Variants in CSMD1 observed in about 807,000 individuals in gnomAD.
CSMD1 encodes CUB and Sushi multiple domains 1.
A neutral mutation model predicts 417.5 loss-of-function variants in CSMD1; 213 were observed. That is an observed-to-expected ratio of 0.51 (90% CI 0.46 to 0.57). CSMD1 has a LOEUF of 0.57. Among genes scored for constraint, CSMD1 ranks in the 20% least tolerant of loss-of-function variants. CSMD1 has a pLI of 0.00. For missense variants in CSMD1, 6,923 were observed against 4,529.7 expected (o/e 1.53, Z -15.17); for synonymous variants, 2,862 against 1,736.8 (o/e 1.65, Z -16.11).
Position 2,970,236 on chromosome 8 carries a change from T to C in CSMD1, c.8923+2881A>G, listed in dbSNP as rs142422793. ...CCTTCATAGCCCCACAGAGGTGAGATTGCTAAGGAAAAACATTGCCCACCC... is the reference window on the plus strand; with the variant it reads ...CCTTCATAGCCCCACAGAGGTGAGACTGCTAAGGAAAAACATTGCCCACCC... On this transcript the variant is annotated intron_variant, in intron 57 of 69. Transcript: ENST00000635120. 2.5e-3 allele frequency among the ~76,000 whole-genome samples: 387 copies of C among 152,256 alleles called. 6 individuals carry two copies. Among genetic ancestry groups the C allele is most frequent in the Admixed American group, 0.023 (356 of 15,292 alleles).
intron 23 of CSMD1, among the ~76,000 whole-genome samples, chr8:3,333,967 G>T (rs967000880): frequency 6.6e-6 from 1 of 152,178 alleles, no homozygotes; most frequent in African/African-American, 2.4e-5. Flanking sequence ...CCCTCAGCTT[G>T]TATAGGATTT....
chr8:3,998,401 C>T (rs894251845), intron 4 of CSMD1, among the ~76,000 whole-genome samples: 7 of 152,154 alleles, frequency 4.6e-5, no homozygotes, highest in African/African-American at 1.4e-4. Context: ...CATTGATAGG[C>T]AGCCTAACAA....
intron 2 of CSMD1, among the ~76,000 whole-genome samples, chr8:4,431,613 C>T (rs776023081): frequency 6.6e-6 from 1 of 151,856 alleles, no homozygotes; most frequent in Non-Finnish European, 1.5e-5. Flanking sequence ...AAAACCAAAA[C>T]CAAAACGAAA....
At chr8:4,867,967 T>TA (rs1554506271) in intron 1 of CSMD1, among the ~76,000 whole-genome samples, 4 of 151,710 alleles carry the variant, frequency 2.6e-5, no homozygotes, top group African/African-American at 7.3e-5. Context: ...CCTTAGATAT[T>TA]TACACGTTTG....
chr8:4,861,681 C>A (rs566392064), intron 1 of CSMD1, among the ~76,000 whole-genome samples: 16 of 152,140 alleles, frequency 1.1e-4, no homozygotes, highest in African/African-American at 3.9e-4. Flanking sequence ...CATAACAACA[C>A]AGTGATCTCA....
At chr8:4,816,489 A>G (rs954212388) in intron 1 of CSMD1, among the ~76,000 whole-genome samples, 1 of 152,102 alleles carries the variant, frequency 6.6e-6, no homozygotes. Flanking sequence ...CAGGCTCCCA[A>G]AATGTTGGGA....
chr8:2,962,002 A>G (rs1352312399), intron 61 of CSMD1, among the ~76,000 whole-genome samples: 1 of 152,228 alleles, frequency 6.6e-6, no homozygotes, highest in East Asian at 1.9e-4. Context: ...AAGACTAAGT[A>G]TTACTTTTTT....
At chr8:3,372,814 G>A (rs1810055472) in intron 18 of CSMD1, among the ~76,000 whole-genome samples, 1 of 152,146 alleles carries the variant, frequency 6.6e-6, no homozygotes. Flanking sequence ...AGGGATAGAA[G>A]GGAGACCACA....
rs869248314 is a variant in CSMD1 at position 3,565,131 on chromosome 8, C to CAAAAAAAAAAAA, written c.1344+9802_1344+9813dup. On this transcript the variant is annotated intron_variant, in intron 10 of 69. Transcript: ENST00000635120. Reference sequence around the variant, plus strand: ...TACTTAACTCTGTAGTGCAAGACAGCAAAAAAAAAAAAAAAAAAAAAAAAA... The same window carrying CAAAAAAAAAAAA: ...TACTTAACTCTGTAGTGCAAGACAGCAAAAAAAAAAAAAAAAAAAAAAAAAAAAAAAAAAAAA... 2.6e-3 allele frequency among the ~76,000 whole-genome samples: 27 copies of CAAAAAAAAAAAA among 10,446 alleles called. 2 individuals are homozygous for CAAAAAAAAAAAA. Among genetic ancestry groups the CAAAAAAAAAAAA allele is most frequent in the East Asian group, 3.2e-3 (1 of 310 alleles). The allele number at this position is 10,446 out of a possible 152,430, so 6.9% of individuals were successfully genotyped here.
At chr8:4,939,772 T>C (rs1467281802) in intron 1 of CSMD1, among the ~76,000 whole-genome samples, 1 of 152,120 alleles carries the variant, frequency 6.6e-6, no homozygotes, top group African/African-American at 2.4e-5. Context: ...ACTGCCTACT[T>C]GAAAACTGTT....
rs562682711 is a variant in CSMD1 at position 3,993,745 on chromosome 8, G to A, written c.818+4158C>T. Among the ~76,000 whole-genome samples the A allele has an allele frequency of 4.6e-4, 70 of 152,282 alleles. 2 individuals are homozygous for A. The South Asian group carries it at 0.013, about 29-fold the overall frequency. The stretch of plus-strand genomic sequence containing the variant: ...AGCCCTAATCCAAAGCGGAAGAAAT[G>A]TTCTTGCATTTATTATGGCTGATGT... On this transcript the variant is annotated intron_variant, in intron 5 of 69. Transcript: ENST00000635120.
intron 6 of CSMD1, among the ~76,000 whole-genome samples, chr8:3,743,411 A>G (rs1489766626): frequency 6.6e-6 from 1 of 152,232 alleles, no homozygotes; most frequent in African/African-American, 2.4e-5. Flanking sequence ...ATAGTGTGAC[A>G]TTAGGATGGT....
At chr8:3,342,321 T>C (rs113159927) in intron 23 of CSMD1, among the ~76,000 whole-genome samples, 1 of 152,158 alleles carries the variant, frequency 6.6e-6, no homozygotes, top group African/African-American at 2.4e-5. Context: ...TTGCAGGACC[T>C]TTTTTGCCTA....
intron 26 of CSMD1, among the ~76,000 whole-genome samples, chr8:3,281,888 C>T (rs773825327): frequency 6.6e-6 from 1 of 152,078 alleles, no homozygotes; most frequent in African/African-American, 2.4e-5. Flanking sequence ...TTAGTACCAT[C>T]CCCCAGTGCT....
In CSMD1 at chr8:4,035,776, G is replaced by A. The variant is rs557913636; in HGVS notation, c.416-3677C>T. Among the ~76,000 whole-genome samples, 15 of 152,206 alleles carry A rather than the reference G, an allele frequency of 9.9e-5. No individual in the cohort carries two copies. In the South Asian group the frequency reaches 2.9e-3, roughly 29 times the overall value. On this transcript the variant is annotated intron_variant, in intron 3 of 69. Coordinates refer to ENST00000635120, the MANE Select transcript of CSMD1 (RefSeq NM_033225.6). ...AGTTTATGAAGTAACGTTATACTAA[G>A]CTTAATTTATGATTAAAAAAGAAAA...
intron 1 of CSMD1, among the ~76,000 whole-genome samples, chr8:4,826,864 G>T (rs189904399): frequency 1.3e-5 from 2 of 152,188 alleles, no homozygotes; most frequent in African/African-American, 4.8e-5. Flanking sequence ...TGACGGATAA[G>T]AAAAACTAGA....
intron 4 of CSMD1, among the ~76,000 whole-genome samples, chr8:4,008,911 G>C (rs913274358): frequency 6.6e-6 from 1 of 152,054 alleles, no homozygotes; most frequent in African/African-American, 2.4e-5. Flanking sequence ...CGCCCAGTCT[G>C]ATTCAGTATT....
intron 5 of CSMD1, among the ~76,000 whole-genome samples, chr8:3,907,072 A>G (rs963805013): frequency 9.2e-5 from 14 of 152,194 alleles, no homozygotes; most frequent in African/African-American, 3.4e-4. Flanking sequence ...TGTCGTAGCT[A>G]GTAATCACAT....
rs1812426554 is a variant in CSMD1, at chr8:3,059,193, A to G, written c.7475-6546T>C. Among the ~76,000 whole-genome samples, 4 of 152,050 alleles carry G rather than the reference A, an allele frequency of 2.6e-5. No homozygotes were observed. The South Asian group carries it at 6.2e-4, about 24-fold the overall frequency. On this transcript the variant is annotated intron_variant, in intron 49 of 69. Coordinates refer to ENST00000635120, the MANE Select transcript of CSMD1 (RefSeq NM_033225.6). ...TATTAATAATAATGGCTTGTTAAGAACTAAAAAAAAATAAGGAAAAATATT... is the reference window on the plus strand; with the variant it reads ...TATTAATAATAATGGCTTGTTAAGAGCTAAAAAAAAATAAGGAAAAATATT...
Sources: gnomAD v4.1 joint callset for allele counts (sites outside exome capture counted in the v4.1 genomes callset) on GRCh38, gnomAD v4.1.1 for gene constraint, MANE v1.5 for transcripts, NCBI Gene and HGNC (gene_info 2026-07-23, HGNC 2026-07-21) for gene names.